The following BCL2 variants were observed in gnomAD, a reference collection of about 807,000 sequenced individuals.
BCL2 encodes the protein BCL2 apoptosis regulator.
BCL2 carries 1 observed loss-of-function variant against 14.2 expected under a neutral mutation model. That is an observed-to-expected ratio of 0.07 (90% CI 0.02 to 0.33). The LOEUF is 0.33. BCL2 is among the 10% of genes least tolerant of loss of function. The probability of loss-of-function intolerance (pLI) is 0.99; values close to 1 mark genes in which losing one functional copy is unlikely to be tolerated. For missense variants in BCL2, 247 were observed against 305.9 expected, an observed-to-expected ratio of 0.81 and a Z score of 1.44; for synonymous variants, 151 against 137.2, an observed-to-expected ratio of 1.10 and a Z score of -0.70.
intron 2 of BCL2, among the ~76,000 whole-genome samples, chr18:63,197,345 G>C (rs113685915): frequency 6.2e-4 from 95 of 152,140 alleles, no homozygotes; most frequent in Non-Finnish European, 1.2e-3. Context: ...AGGTGTTCAG[G>C]GCTCAGACAG....
intron 2 of BCL2, chr18:63,314,744 G>A (rs1309369916): frequency 6.6e-6 from 1 of 152,118 alleles, no homozygotes; most frequent in Non-Finnish European, 1.5e-5. Flanking sequence ...TGTTATGAGG[G>A]GATAAAATAA....
chr18:63,315,261 T>A (rs1357295756), intron 2 of BCL2: 1 of 152,388 alleles, frequency 6.6e-6, no homozygotes, highest in Non-Finnish European at 1.5e-5. Context: ...ATTGCTTCTC[T>A]CTCACTGCTT....
At chr18:63,266,055 C>T (rs775526934) in intron 2 of BCL2, among the ~76,000 whole-genome samples, 1 of 152,064 alleles carries the variant, frequency 6.6e-6, no homozygotes, top group African/African-American at 2.4e-5. Context: ...GCCGCAAATT[C>T]CAATTCCAGG....
Position 63,126,480 on chromosome 18 carries a change from C to T in BCL2, c.*2145G>A. ...GGGTTTAACCAAACATGCATGTAAT[C>T]CTGAATACCATGAATTAAATGCGGA... On this transcript the variant is annotated 3_prime_UTR_variant, in exon 3 of 3. Transcript: ENST00000333681. 4.4e-6 allele frequency: 1 copy of T among 228,296 alleles called. No individual in the cohort carries two copies. The highest frequency in any genetic ancestry group is 6.2e-5 in the East Asian group (1 of 16,064). 14.1% of individuals were successfully genotyped at this position (228,296 alleles called of 1,614,324 possible).
chr18:63,273,972 G>A (rs1209635786), intron 2 of BCL2, among the ~76,000 whole-genome samples: 1 of 152,178 alleles, frequency 6.6e-6, no homozygotes, highest in East Asian at 1.9e-4. Flanking sequence ...CCTCAAAAAG[G>A]AGGGGAAAAC....
intron 2 of BCL2, among the ~76,000 whole-genome samples, chr18:63,143,136 T>C (rs532407847): frequency 6.6e-6 from 1 of 152,334 alleles, no homozygotes; most frequent in Admixed American, 6.5e-5. Context: ...GACAGTATGC[T>C]TTCTGTTGCA....
intron 2 of BCL2, among the ~76,000 whole-genome samples, chr18:63,228,590 G>A (rs924614268): frequency 1.3e-5 from 2 of 152,124 alleles, no homozygotes; most frequent in Admixed American, 1.3e-4. Flanking sequence ...GTTCACTACT[G>A]TATCTCCAGT....
chr18:63,181,461 G>A (rs1452556321), intron 2 of BCL2, among the ~76,000 whole-genome samples: 5 of 152,202 alleles, frequency 3.3e-5, no homozygotes, highest in Non-Finnish European at 4.4e-5. Context: ...CTGGCCGTCA[G>A]AATCACCCAG....
chr18:63,289,036 T>C (rs1310473462), intron 2 of BCL2, among the ~76,000 whole-genome samples: 2 of 152,216 alleles, frequency 1.3e-5, no homozygotes, highest in African/African-American at 2.4e-5. Flanking sequence ...AAGTAAGAGA[T>C]AGCAAAGCCA....
intron 2 of BCL2, among the ~76,000 whole-genome samples, chr18:63,251,760 G>A (rs1599270231): frequency 6.6e-6 from 1 of 150,376 alleles, no homozygotes; most frequent in Non-Finnish European, 1.5e-5. Context: ...GTGCAATGGC[G>A]TGATCTCGTC....
At chr18:63,201,613 G>C (rs1052268785) in intron 2 of BCL2, among the ~76,000 whole-genome samples, 1 of 152,142 alleles carries the variant, frequency 6.6e-6, no homozygotes, top group African/African-American at 2.4e-5. Context: ...TAAAGAAACT[G>C]TGGCACATAT....
chr18:63,291,285 A>G (rs1172668327), intron 2 of BCL2, among the ~76,000 whole-genome samples: 1 of 152,226 alleles, frequency 6.6e-6, no homozygotes, highest in Non-Finnish European at 1.5e-5. Context: ...GTATTTGTCG[A>G]AAGAATCTCT....
intron 2 of BCL2, among the ~76,000 whole-genome samples, chr18:63,167,394 A>G (rs1599220224): frequency 6.6e-6 from 1 of 152,204 alleles, no homozygotes; most frequent in African/African-American, 2.4e-5. Context: ...TCTTCTTGCT[A>G]TAGGAAAAGC....
intron 2 of BCL2, among the ~76,000 whole-genome samples, chr18:63,205,571 AATGT>A: frequency 6.6e-6 from 1 of 152,222 alleles, no homozygotes; most frequent in East Asian, 1.9e-4. Flanking sequence ...TGGGCTCATG[AATGT>A]ACTCTGAACT....
chr18:63,265,863 G>GA (rs1441216587), intron 2 of BCL2, among the ~76,000 whole-genome samples: 1 of 152,006 alleles, frequency 6.6e-6, no homozygotes, highest in Non-Finnish European at 1.5e-5. Context: ...CTCATAACAA[G>GA]AAAAAAGCTG....
At chr18:63,198,615 C>CAGACACAG in intron 2 of BCL2, among the ~76,000 whole-genome samples, 1 of 48,258 alleles carries the variant, frequency 2.1e-5, no homozygotes, top group South Asian at 7.0e-4. Flanking sequence ...CAGACACACA[C>CAGACACAG]TGACACACAG....
intron 2 of BCL2, among the ~76,000 whole-genome samples, chr18:63,156,217 G>T (rs1041050015): frequency 4.6e-5 from 7 of 152,084 alleles, no homozygotes; most frequent in African/African-American, 1.7e-4. Flanking sequence ...GGGAGTGGCA[G>T]CCCATTGTCC....
chr18:63,189,303 A>G (rs1475582197), intron 2 of BCL2, among the ~76,000 whole-genome samples: 1 of 152,126 alleles, frequency 6.6e-6, no homozygotes, highest in Non-Finnish European at 1.5e-5. Flanking sequence ...AGTCATACTA[A>G]TAACTGATTT....
At chr18:63,274,620 A>G (rs1297437726) in intron 2 of BCL2, among the ~76,000 whole-genome samples, 2 of 152,054 alleles carry the variant, frequency 1.3e-5, no homozygotes. Context: ...CACTTTTCCT[A>G]CACTGGATAT....
Sources: allele counts gnomAD v4.1 joint callset (sites outside exome capture counted in the v4.1 genomes callset), GRCh38; gene constraint gnomAD v4.1.1; transcripts MANE v1.5; gene names NCBI Gene and HGNC (gene_info 2026-07-23, HGNC 2026-07-21).